Variants in SUMF1 observed in about 807,000 individuals in gnomAD.
SUMF1 encodes the protein sulfatase modifying factor 1.
Under a neutral mutation model 47.6 loss-of-function variants are expected in SUMF1, and 48 were observed. The ratio of observed to expected loss-of-function variants is 1.01; its 90% CI spans 0.80 to 1.28. The LOEUF (loss-of-function observed/expected upper bound fraction) is 1.28. SUMF1 is among the 50% of genes most tolerant of loss of function. The pLI is 0.00. For missense variants in SUMF1, 571 were observed against 485.4 expected (o/e 1.18, Z -1.66); for synonymous variants, 230 against 192.1 (o/e 1.20, Z -1.63).
intron 8 of SUMF1, among the ~76,000 whole-genome samples, chr3:4,174,726 TG>T (rs1268127327): frequency 1.3e-5 from 2 of 152,140 alleles, no homozygotes; most frequent in East Asian, 3.9e-4. Flanking sequence ...CAAAGCAGGA[TG>T]GGGCATCACC....
intron 8 of SUMF1, among the ~76,000 whole-genome samples, chr3:4,202,438 G>A (rs1346799779): frequency 6.6e-6 from 1 of 151,854 alleles, no homozygotes; most frequent in Non-Finnish European, 1.5e-5. Flanking sequence ...GTATTTATGA[G>A]TTCTCTACCC....
At chr3:4,385,666 A>G (rs1700649346) in intron 7 of SUMF1, among the ~76,000 whole-genome samples, 1 of 152,040 alleles carries the variant, frequency 6.6e-6, no homozygotes, top group African/African-American at 2.4e-5. Context: ...TATGTGGGTG[A>G]TCATGCTTTT....
At chr3:4,356,579 A>ATT (rs397831653), downstream of SUMF1, among the ~76,000 whole-genome samples, 13,619 of 146,862 alleles carry the variant, frequency 0.093, 803 homozygotes, top group East Asian at 0.32. Flanking sequence ...AATACATACA[A>ATT]TTTTTTTTTT....
chr3:4,124,594 GAA>G (rs1332992829), intron 8 of SUMF1, among the ~76,000 whole-genome samples: 1 of 138,328 alleles, frequency 7.2e-6, no homozygotes, highest in Non-Finnish European at 1.6e-5. Context: ...TTGAATGAAG[GAA>G]AAAAAAAAAG....
intron 1 of SUMF1, among the ~76,000 whole-genome samples, chr3:4,456,071 A>G (rs1703150759): frequency 6.6e-6 from 1 of 152,240 alleles, no homozygotes; most frequent in South Asian, 2.1e-4. Flanking sequence ...GATTCAACAT[A>G]TGCAAACTAC....
intron 7 of SUMF1, among the ~76,000 whole-genome samples, chr3:4,397,196 C>T (rs139116751): frequency 2.0e-5 from 3 of 152,164 alleles, no homozygotes; most frequent in Non-Finnish European, 4.4e-5. Flanking sequence ...TAGAGAAATC[C>T]GTTTGTTTTA....
chr3:4,160,946 C>G (rs1254396439), intron 8 of SUMF1, among the ~76,000 whole-genome samples: 1 of 152,082 alleles, frequency 6.6e-6, no homozygotes, highest in African/African-American at 2.4e-5. Flanking sequence ...TTGGGCTTCA[C>G]AGATGTACCC....
At chr3:4,320,657 A>G (rs1698810246) in intron 8 of SUMF1, among the ~76,000 whole-genome samples, 1 of 152,218 alleles carries the variant, frequency 6.6e-6, no homozygotes, top group African/African-American at 2.4e-5. Flanking sequence ...AAAGTTGTTT[A>G]GGAGTTTTTT....
intron 8 of SUMF1, among the ~76,000 whole-genome samples, chr3:4,103,804 C>T (rs930293619): frequency 5.3e-5 from 8 of 152,244 alleles, no homozygotes; most frequent in South Asian, 2.1e-4. Flanking sequence ...GGCCAAGAAC[C>T]TTGCTCCATA....
chr3:4,287,407 T>TAA (rs3075654), intron 8 of SUMF1, among the ~76,000 whole-genome samples: 6,619 of 149,936 alleles, frequency 0.044, 243 homozygotes, highest in African/African-American at 0.091. Flanking sequence ...ACATAAATTG[T>TAA]AAAAAAAAAA....
chr3:4,434,302 C>A (rs1037731018), intron 3 of SUMF1, among the ~76,000 whole-genome samples: 1 of 152,212 alleles, frequency 6.6e-6, no homozygotes, highest in Non-Finnish European at 1.5e-5. Flanking sequence ...CATACACACA[C>A]ATACAAAGTA....
chr3:4,108,333 T>A (rs1000198584), intron 8 of SUMF1, among the ~76,000 whole-genome samples: 2 of 152,118 alleles, frequency 1.3e-5, no homozygotes, highest in African/African-American at 4.8e-5. Flanking sequence ...GAGGAGTGCT[T>A]TACTTCCAAC....
At chr3:4,402,929 G>C (rs1470800595) in intron 7 of SUMF1, among the ~76,000 whole-genome samples, 1 of 152,166 alleles carries the variant, frequency 6.6e-6, no homozygotes, top group African/African-American at 2.4e-5. Context: ...GGAGAAAAAT[G>C]CAAGTTTTAT....
At chr3:4,225,576 C>T (rs1696155867) in intron 8 of SUMF1, among the ~76,000 whole-genome samples, 1 of 152,110 alleles carries the variant, frequency 6.6e-6, no homozygotes, top group Non-Finnish European at 1.5e-5. Flanking sequence ...AACACACATG[C>T]AGACAAACAG....
intron 9 of SUMF1, among the ~76,000 whole-genome samples, chr3:4,066,397 CA>C (rs1428348439): frequency 1.3e-5 from 2 of 151,994 alleles, no homozygotes; most frequent in Non-Finnish European, 2.9e-5. Flanking sequence ...TGAAACCAAC[CA>C]AATTGTCTCA....
At position 4,385,010 on chromosome 3, in the gene SUMF1, C is replaced by T. The variant is rs547329777; in HGVS notation, c.955-8621G>A. On this transcript the variant is annotated intron_variant, in intron 7 of 8. Transcript: ENST00000272902. Reference sequence around the variant, plus strand: ...AAGCGATTCTCCTGCCTCAGCCACCCGAGTAGCTGGGATTACAGGCACGCA... The same window carrying T: ...AAGCGATTCTCCTGCCTCAGCCACCTGAGTAGCTGGGATTACAGGCACGCA... Among the ~76,000 whole-genome samples the T allele has an allele frequency of 4.6e-5, 7 of 151,978 alleles. No individual in the cohort carries two copies. In the South Asian group the frequency reaches 1.2e-3, roughly 27 times the overall value.
intron 8 of SUMF1, among the ~76,000 whole-genome samples, chr3:4,332,147 C>A (rs1297139426): frequency 2.6e-5 from 4 of 152,138 alleles, no homozygotes; most frequent in Admixed American, 2.0e-4. Context: ...AATTAGAGCC[C>A]TTTTACATAT....
intron 9 of SUMF1, among the ~76,000 whole-genome samples, chr3:4,059,773 G>C (rs1328119515): frequency 6.7e-6 from 1 of 149,890 alleles, no homozygotes. Context: ...ATCCATGTTA[G>C]GAATTTAAAA....
At chr3:4,255,003 CCAG>C (rs1247634446) in intron 8 of SUMF1, among the ~76,000 whole-genome samples, 20 of 151,718 alleles carry the variant, frequency 1.3e-4, no homozygotes, top group Admixed American at 4.6e-4. Flanking sequence ...AATTTCATAT[CCAG>C]CCAAACTAAG....
Sources: gnomAD v4.1 joint callset for allele counts (sites outside exome capture counted in the v4.1 genomes callset) on GRCh38, gnomAD v4.1.1 for gene constraint, MANE v1.5 for transcripts, NCBI Gene and HGNC (gene_info 2026-07-23, HGNC 2026-07-21) for gene names.